The following ATRNL1 variants were observed in gnomAD, a reference collection of about 807,000 sequenced individuals.
ATRNL1 encodes attractin like 1, also known as attractin-like protein 1.
In ATRNL1, 95 loss-of-function variants were observed where a neutral mutation model predicts 182.7. The observed-to-expected ratio is 0.52, with a 90% CI of 0.44 to 0.62. ATRNL1 has a LOEUF of 0.62. Among genes scored for constraint, ATRNL1 ranks in the 20% least tolerant of loss-of-function variants. ATRNL1 has a pLI of 0.00. For missense variants in ATRNL1, 1,471 were observed against 1,679.5 expected (o/e 0.88, Z 2.17); for synonymous variants, 576 against 568.3 (o/e 1.01, Z -0.19).
chr10:115,366,952 T>G lies in ATRNL1; in HGVS notation c.3176-27707T>G, dbSNP rs1387678879. 6.8e-3 allele frequency among the ~76,000 whole-genome samples: 962 copies of G among 141,150 alleles called. 8 individuals carry two copies. The highest frequency in any genetic ancestry group is 0.026 in the African/African-American group (913 of 34,646). The allele number at this position is 141,150 out of a possible 152,430, so 92.6% of individuals were successfully genotyped here. On this transcript the variant is annotated intron_variant, in intron 19 of 28. Coordinates refer to ENST00000355044, the MANE Select transcript of ATRNL1 (RefSeq NM_207303.4). ...CCTTTCTCTCTGGCTGCCCTTAACA[T>G]TTTTTCCTTCATTTCAACTTTGGTG...
chr10:115,530,938 T>A (rs1315192291), intron 25 of ATRNL1, among the ~76,000 whole-genome samples: 3 of 152,008 alleles, frequency 2.0e-5, no homozygotes, highest in Admixed American at 6.6e-5. Flanking sequence ...TTCATCCATG[T>A]CCCTACAAAG....
rs1433003199 is a variant in ATRNL1 at position 115,246,781 on chromosome 10, C to T, written c.1687+5056C>T. Among the ~76,000 whole-genome samples, 33 of 134,192 alleles carry T rather than the reference C, an allele frequency of 2.5e-4. 3 individuals carry two copies. The East Asian group carries it at 6.1e-3, about 25-fold the overall frequency. 88.0% of individuals were successfully genotyped at this position (134,192 alleles called of 152,430 possible). On this transcript the variant is annotated intron_variant, in intron 10 of 28. Transcript: ENST00000355044. ...TTCACCTTGTTAGCCAGGATGGTCT[C>T]GATCTCCTGACCTCATGATCCACCC...
chr10:115,536,616 C>T (rs559431464), intron 25 of ATRNL1, among the ~76,000 whole-genome samples: 32 of 152,318 alleles, frequency 2.1e-4, no homozygotes, highest in Non-Finnish European at 2.1e-4. Flanking sequence ...GCGCTGCACC[C>T]ACTGTCCTGC....
At chr10:115,457,871 A>T (rs1195843079) in intron 21 of ATRNL1, among the ~76,000 whole-genome samples, 2 of 151,706 alleles carry the variant, frequency 1.3e-5, no homozygotes, top group Non-Finnish European at 1.5e-5. Context: ...TTTTCTAATA[A>T]TTTTTTTCCA....
At chr10:115,586,682 C>G (rs1555010032) in intron 26 of ATRNL1, among the ~76,000 whole-genome samples, 1 of 120,276 alleles carries the variant, frequency 8.3e-6, no homozygotes, top group African/African-American at 2.7e-5. Context: ...TTTTCAACTT[C>G]TTTGCCTTTG....
At chr10:115,812,190 G>A (rs4529823) in intron 27 of ATRNL1, among the ~76,000 whole-genome samples, 82,503 of 151,756 alleles carry the variant, frequency 0.54, 22,854 homozygotes, top group East Asian at 0.77. Context: ...TTTCGTATGG[G>A]CAACTATAGT....
chr10:115,468,870 A>T (rs1183481096), intron 23 of ATRNL1, among the ~76,000 whole-genome samples: 1 of 150,664 alleles, frequency 6.6e-6, no homozygotes, highest in Admixed American at 6.6e-5. Context: ...CTTAGGTTGA[A>T]ATCTGAAAAA....
At chr10:115,892,367 A>C (rs1555111494) in intron 28 of ATRNL1, among the ~76,000 whole-genome samples, 1 of 152,162 alleles carries the variant, frequency 6.6e-6, no homozygotes, top group African/African-American at 2.4e-5. Flanking sequence ...TATAAAAACA[A>C]TCTTCAGTTT....
intron 25 of ATRNL1, among the ~76,000 whole-genome samples, chr10:115,544,398 A>T (rs1302505259): frequency 1.3e-5 from 2 of 152,180 alleles, no homozygotes; most frequent in African/African-American, 2.4e-5. Flanking sequence ...TAATTGGCTC[A>T]TGGTTCTGCA....
At chr10:115,607,607 A>G (rs1311400928) in intron 26 of ATRNL1, among the ~76,000 whole-genome samples, 1 of 151,894 alleles carries the variant, frequency 6.6e-6, no homozygotes, top group Non-Finnish European at 1.5e-5. Context: ...TAGTACCCTA[A>G]GGTCACAGAT....
intron 27 of ATRNL1, among the ~76,000 whole-genome samples, chr10:115,823,177 C>T (rs1235548113): frequency 6.6e-6 from 1 of 152,100 alleles, no homozygotes; most frequent in Non-Finnish European, 1.5e-5. Context: ...TGACAAAAAC[C>T]ACATGATTAT....
intron 19 of ATRNL1, among the ~76,000 whole-genome samples, chr10:115,374,751 A>G (rs1045153138): frequency 3.3e-5 from 5 of 151,858 alleles, no homozygotes; most frequent in Non-Finnish European, 7.4e-5. Context: ...AGGAACAGAT[A>G]GTTTAATTTC....
intron 6 of ATRNL1, among the ~76,000 whole-genome samples, chr10:115,165,123 A>G (rs1297903663): frequency 6.6e-6 from 1 of 152,028 alleles, no homozygotes; most frequent in Admixed American, 6.6e-5. Context: ...AAAAACTTAT[A>G]AGTATCAGGC....
chr10:115,728,230 G>A (rs770311818), intron 27 of ATRNL1, among the ~76,000 whole-genome samples: 9 of 140,768 alleles, frequency 6.4e-5, no homozygotes, highest in Middle Eastern at 4.4e-3. Flanking sequence ...GGGAGGCGGA[G>A]CTTGCAGTGA....
At chr10:115,659,218 C>T (rs2133899610) in intron 26 of ATRNL1, among the ~76,000 whole-genome samples, 1 of 152,156 alleles carries the variant, frequency 6.6e-6, no homozygotes, top group Non-Finnish European at 1.5e-5. Context: ...GTGGAGGGTC[C>T]TACACAACCC....
intron 21 of ATRNL1, among the ~76,000 whole-genome samples, chr10:115,446,516 C>T (rs1846999114): frequency 7.9e-6 from 1 of 127,336 alleles, no homozygotes; most frequent in African/African-American, 3.6e-5. Flanking sequence ...TTTTAAATAG[C>T]TAAAAAAACT....
At chr10:115,853,944 A>G (rs1195182321) in intron 28 of ATRNL1, among the ~76,000 whole-genome samples, 1 of 152,184 alleles carries the variant, frequency 6.6e-6, no homozygotes, top group Non-Finnish European at 1.5e-5. Context: ...TTTACCTTGT[A>G]TCCAAAATAC....
At chr10:115,682,394 TG>T (rs1247257949) in intron 26 of ATRNL1, among the ~76,000 whole-genome samples, 1 of 151,934 alleles carries the variant, frequency 6.6e-6, no homozygotes, top group African/African-American at 2.4e-5. Context: ...AAAAATTAGC[TG>T]GCATTGTGGT....
At chr10:115,528,430 T>G (rs913249351) in intron 25 of ATRNL1, among the ~76,000 whole-genome samples, 5 of 152,098 alleles carry the variant, frequency 3.3e-5, no homozygotes, top group Non-Finnish European at 7.4e-5. Context: ...CATAGTACTC[T>G]CCTATAATCA....
Sources: allele counts gnomAD v4.1 joint callset (sites outside exome capture counted in the v4.1 genomes callset), GRCh38; gene constraint gnomAD v4.1.1; transcripts MANE v1.5; gene names NCBI Gene and HGNC (gene_info 2026-07-23, HGNC 2026-07-21).